Variants in TMEM156 observed in about 807,000 individuals in gnomAD.
TMEM156 encodes the protein transmembrane protein 156.
TMEM156 carries 28 observed loss-of-function variants against 30.5 expected under a neutral mutation model. The ratio of observed to expected loss-of-function variants is 0.92; its 90% CI spans 0.68 to 1.26. TMEM156 has a LOEUF of 1.26. Ranked by LOEUF, TMEM156 falls within the 50% of genes most tolerant of loss-of-function variation. TMEM156 has a pLI of 0.00. For synonymous variants in TMEM156, 137 were observed against 119.9 expected (o/e 1.14, Z -0.93); for missense variants, 351 against 340.6 (o/e 1.03, Z -0.24).
chr4:39,023,490 G>C (rs1379771512), intron 1 of TMEM156, among the ~76,000 whole-genome samples: 2 of 152,160 alleles, frequency 1.3e-5, no homozygotes, highest in Non-Finnish European at 2.9e-5. Context: ...GCAACAAAAA[G>C]ATAGGAGCTA....
At chr4:38,970,959 G>T in intron 6 of TMEM156, 73 bp downstream of exon 6, 1 of 945,876 alleles carries the variant, frequency 1.1e-6, no homozygotes. Flanking sequence ...AATGGAGTTT[G>T]GGATCAACTG....
rs1179516486 is a variant in TMEM156, at chr4:38,992,715, T to A, written c.619+1023A>T. 6.5e-4 allele frequency among the ~76,000 whole-genome samples: 28 copies of A among 43,300 alleles called. No homozygotes were observed. In the South Asian group the frequency reaches 0.019, roughly 29 times the overall value. 28.4% of individuals were successfully genotyped at this position (43,300 alleles called of 152,430 possible). A position where few individuals can be genotyped will look rare whatever the true frequency, so the allele number is the denominator to read the frequency against. The stretch of plus-strand genomic sequence containing the variant: ...TATATTATATAATATATATATATTA[T>A]ATATATATAATATATATATAATATA... On this transcript the variant is annotated intron_variant, in intron 3 of 6. Coordinates refer to ENST00000381938, the MANE Select transcript of TMEM156 (RefSeq NM_024943.3).
intron 1 of TMEM156, among the ~76,000 whole-genome samples, chr4:39,016,256 C>T (rs1351837255): frequency 2.0e-5 from 3 of 151,744 alleles, no homozygotes; most frequent in Non-Finnish European, 2.9e-5. Flanking sequence ...GTCTGTAGTC[C>T]CAGCTACTCA....
chr4:39,018,036 C>T (rs755277082), intron 1 of TMEM156, among the ~76,000 whole-genome samples: 8 of 152,002 alleles, frequency 5.3e-5, no homozygotes, highest in Non-Finnish European at 8.8e-5. Context: ...ATTAATGCTT[C>T]CTATTTGTAC....
At chr4:39,028,246 C>T (rs1715327382) in intron 1 of TMEM156, 1 of 152,146 alleles carries the variant, frequency 6.6e-6, no homozygotes. Flanking sequence ...ACTTGTGTGA[C>T]TCACTGCAAT....
At chr4:38,982,682 A>C (rs186965368) in intron 5 of TMEM156, among the ~76,000 whole-genome samples, 3 of 152,372 alleles carry the variant, frequency 2.0e-5, no homozygotes, top group African/African-American at 7.2e-5. Flanking sequence ...TGAAGATGAT[A>C]GTTAAATGAA....
intron 2 of TMEM156, among the ~76,000 whole-genome samples, chr4:38,995,604 A>C (rs11724236): frequency 0.37 from 55,980 of 152,054 alleles, 10,771 homozygotes; most frequent in East Asian, 0.65. Context: ...AATCCCAGCT[A>C]CTCCGGAGGC....
intron 1 of TMEM156, among the ~76,000 whole-genome samples, chr4:39,009,869 T>C (rs1353075505): frequency 6.6e-6 from 1 of 152,094 alleles, no homozygotes; most frequent in Non-Finnish European, 1.5e-5. Context: ...ACCATTCTTA[T>C]TCAACAAAGT....
intron 5 of TMEM156, among the ~76,000 whole-genome samples, chr4:38,977,235 A>G (rs1722901301): frequency 6.6e-6 from 1 of 152,216 alleles, no homozygotes; most frequent in Non-Finnish European, 1.5e-5. Flanking sequence ...TTAAGATATC[A>G]AAAGAGCCTA....
At chr4:38,977,482 C>T (rs1466827690) in intron 5 of TMEM156, among the ~76,000 whole-genome samples, 2 of 152,188 alleles carry the variant, frequency 1.3e-5, no homozygotes, top group Non-Finnish European at 2.9e-5. Flanking sequence ...AATAGCAAAT[C>T]TTCTAAAAAT....
At chr4:38,976,108 G>A (rs1392262846) in intron 5 of TMEM156, among the ~76,000 whole-genome samples, 2 of 151,872 alleles carry the variant, frequency 1.3e-5, no homozygotes, top group East Asian at 3.9e-4. Context: ...CCAACATGGT[G>A]AAACCCCATC....
In TMEM156 at chr4:38,971,360, G is replaced by C. The variant is rs112317760; in HGVS notation, c.824-223C>G. Among the ~76,000 whole-genome samples, 2,504 of 152,238 alleles carry C rather than the reference G, an allele frequency of 0.016. 28 individuals carry two copies. Among genetic ancestry groups the C allele is most frequent in the East Asian group, 0.061 (316 of 5,178 alleles). On this transcript the variant is annotated intron_variant, in intron 5 of 6. Coordinates refer to ENST00000381938, the MANE Select transcript of TMEM156 (RefSeq NM_024943.3). ...CCTGGGCACAAATACCTGAAGCATA[G>C]TTAAGGAAGACAACGTAGAGAACAA...
intron 1 of TMEM156, among the ~76,000 whole-genome samples, chr4:39,023,607 C>T (rs552607914): frequency 7.9e-4 from 121 of 152,236 alleles, no homozygotes; most frequent in African/African-American, 2.8e-3. Context: ...CAGTGGGAGG[C>T]CAAGGTGGGC....
intron 1 of TMEM156, among the ~76,000 whole-genome samples, chr4:39,008,132 C>G (rs1196382903): frequency 6.6e-6 from 1 of 152,082 alleles, no homozygotes; most frequent in Non-Finnish European, 1.5e-5. Context: ...ACTTGTCTTA[C>G]TGCAATGTCA....
chr4:38,990,834 T>TTTTTTTTTTTTTTTTTG (rs1712384283), intron 3 of TMEM156, among the ~76,000 whole-genome samples: 1 of 56,770 alleles, frequency 1.8e-5, no homozygotes, highest in Non-Finnish European at 3.9e-5. Context: ...TTTCTGGTTT[T>TTTTTTTTTTTTTTTTTG]TTTTTTTTTT....
At position 38,999,128 on chromosome 4, in the gene TMEM156, T is replaced by A. The variant is rs1328834920; in HGVS notation, c.89-219A>T. On this transcript the variant is annotated intron_variant, in intron 1 of 6. Coordinates refer to ENST00000381938, the MANE Select transcript of TMEM156 (RefSeq NM_024943.3). The stretch of plus-strand genomic sequence containing the variant: ...TTTATTTATTTTTTTTTTTTTTTTT[T>A]TTTTTTGAGACTGGATCTTGCTCTG... Among the ~76,000 whole-genome samples the A allele has an allele frequency of 2.7e-3, 401 of 146,260 alleles. 6 individuals are homozygous for A. The highest frequency in any genetic ancestry group is 9.7e-3 in the African/African-American group (382 of 39,432).
Position 38,998,633 on chromosome 4 carries a change from T to G in TMEM156, c.358+7A>C, listed in dbSNP as rs200816937. 9.5e-5 allele frequency: 152 copies of G among 1,606,254 alleles called. No homozygotes were observed. The African/African-American group carries it at 1.8e-3, about 19-fold the overall frequency. The stretch of plus-strand genomic sequence containing the variant: ...CCATTTTATTCTCACCTTCACTTTG[T>G]GTTTACCTTTTGATGTTTGTTCCTG... On this transcript the variant is annotated splice_region_variant and intron_variant, in intron 2 of 6. Coordinates refer to ENST00000381938, the MANE Select transcript of TMEM156 (RefSeq NM_024943.3).
In TMEM156 at chr4:38,988,866, C is replaced by G. The variant is rs746577642; in HGVS notation, c.724G>C (p.Val242Leu). The stretch of plus-strand genomic sequence containing the variant: ...TTATACTTACTCTGCCACTTTTGCA[C>G]TCTTCTCTGGCCTTCAAGTATTTTG... ...IRKILEGQRRVQKWQSHRDKP... is the reference protein window; with the variant it reads ...IRKILEGQRRLQKWQSHRDKP... Residue 242 changes from valine (V) to leucine (L), a missense_variant, in exon 4 of 7, where the codon GTG (valine) becomes CTG (leucine). By Grantham distance (32) the Val-to-Leu change is conservative. Transcript: ENST00000381938. 9 of 1,614,094 alleles carry G rather than the reference C, an allele frequency of 5.6e-6. No individual in the cohort carries two copies. Among genetic ancestry groups the G allele is most frequent in the Non-Finnish European group, 7.6e-6 (9 of 1,179,978 alleles).
intron 1 of TMEM156, among the ~76,000 whole-genome samples, chr4:39,021,017 G>A (rs1390734911): frequency 6.6e-6 from 1 of 152,120 alleles, no homozygotes; most frequent in African/African-American, 2.4e-5. Flanking sequence ...ATATTTCACT[G>A]TATTTTCATA....
Sources: allele counts gnomAD v4.1 joint callset (sites outside exome capture counted in the v4.1 genomes callset), GRCh38; gene constraint gnomAD v4.1.1; transcripts MANE v1.5; gene names NCBI Gene and HGNC (gene_info 2026-07-23, HGNC 2026-07-21).